The following ZNF814 variants were observed in gnomAD, a reference collection of about 807,000 sequenced individuals.
The protein encoded by ZNF814 is zinc finger protein 814.
Under a neutral mutation model 7.5 loss-of-function variants are expected in ZNF814, and 5 were observed. That is an observed-to-expected ratio of 0.67 (90% CI 0.35 to 1.40). The LOEUF (loss-of-function observed/expected upper bound fraction) is 1.40. Ranked by LOEUF, ZNF814 falls within the 40% of genes most tolerant of loss-of-function variation. The probability of loss-of-function intolerance (pLI) is 0.04; values close to 1 mark genes in which losing one functional copy is unlikely to be tolerated. For missense variants in ZNF814, 962 were observed against 1,018.0 expected, an observed-to-expected ratio of 0.94 and a Z score of 0.75; for synonymous variants, 315 against 340.7, an observed-to-expected ratio of 0.92 and a Z score of 0.83.
chr19:57,884,271 A>T (rs2071671587), intron 1 of ZNF814, among the ~76,000 whole-genome samples: 1 of 152,216 alleles, frequency 6.6e-6, no homozygotes, highest in South Asian at 2.1e-4. Context: ...ACTCTATAGG[A>T]AAAACCCTTA....
chr19:57,883,178 G>GA (rs1291676673), intron 1 of ZNF814, among the ~76,000 whole-genome samples: 1 of 151,872 alleles, frequency 6.6e-6, no homozygotes, highest in Non-Finnish European at 1.5e-5. Flanking sequence ...CTAATGGGGT[G>GA]AAACCCCATC....
upstream of ZNF814, among the ~76,000 whole-genome samples, chr19:57,889,315 A>G (rs2071719568): frequency 6.6e-6 from 1 of 152,200 alleles, no homozygotes; most frequent in South Asian, 2.1e-4. Context: ...AGGCCAAGTC[A>G]CAAGGATCAT....
Position 57,875,216 on chromosome 19 carries a change from A to C in ZNF814, c.174T>G (p.Cys58Trp). 1 of 1,522,148 alleles carries C rather than the reference A, an allele frequency of 6.6e-7. No individual in the cohort carries two copies. The highest frequency in any genetic ancestry group is 8.8e-7 in the Non-Finnish European group (1 of 1,136,228). The allele number at this position is 1,522,148 out of a possible 1,614,324, so 94.3% of individuals were successfully genotyped here. Reference protein sequence around the residue: ...LALISSLGCWCGVEDEAAPSK... With the variant: ...LALISSLGCWWGVEDEAAPSK... ...AAGGTGCCGCCTCATCTTCCACTCCACACCAACAACCTGAAAGCAAGAAAA... is the reference window on the plus strand; with the variant it reads ...AAGGTGCCGCCTCATCTTCCACTCCCCACCAACAACCTGAAAGCAAGAAAA... Residue 58 changes from cysteine (C) to tryptophan (W), a missense_variant, in exon 3 of 3, where the codon TGT becomes TGG. By Grantham distance (215) the Cys-to-Trp change is radical (BLOSUM62 -2). Around this residue, in one of 7 missense-constraint regions of ZNF814, gnomAD observed 65 missense variants for 131.3 expected, o/e 0.50. Coordinates refer to ENST00000435989, the MANE Select transcript of ZNF814 (RefSeq NM_001144989.2).
rs1350312339 is a variant in ZNF814 at position 57,872,828 on chromosome 19, G to A, written c.2562C>T (p.Ala854=). 1.2e-6 allele frequency: 2 copies of A among 1,611,768 alleles called. No homozygotes were observed. The highest frequency in any genetic ancestry group is 2.7e-5 in the African/African-American group (2 of 74,864). ...LVHQSSHWRK[A]I ...TTTCTGACAATCCTCACACTCATATGGCTTTTCTCCAGTGTGAACTCTGGT... is the reference window on the plus strand; with the variant it reads ...TTTCTGACAATCCTCACACTCATATAGCTTTTCTCCAGTGTGAACTCTGGT... Residue 854 remains alanine, a synonymous_variant, in exon 3 of 3, where the codon GCC becomes GCT. Coordinates refer to ENST00000435989, the MANE Select transcript of ZNF814 (RefSeq NM_001144989.2).
chr19:57,889,072 A>G, upstream of ZNF814: 2 of 525,444 alleles, frequency 3.8e-6, no homozygotes, highest in Admixed American at 6.3e-5. Context: ...GTCCGGACCC[A>G]TTGTCACGTG....
chr19:57,904,821 C>T, the ZNF814 span, among the ~76,000 whole-genome samples: 3 of 152,066 alleles, frequency 2.0e-5, no homozygotes, highest in Non-Finnish European at 4.4e-5. Flanking sequence ...GAGGCCAAGG[C>T]GGGCGGATCA....
chr19:57,882,995 T>C (rs944569652), intron 1 of ZNF814, among the ~76,000 whole-genome samples: 17 of 152,046 alleles, frequency 1.1e-4, no homozygotes, highest in African/African-American at 3.9e-4. Flanking sequence ...TTTTGAGGAA[T>C]TTCTCAAGAC....
At chr19:57,878,570 C>T (rs1166336729) in intron 1 of ZNF814, among the ~76,000 whole-genome samples, 3 of 151,684 alleles carry the variant, frequency 2.0e-5, no homozygotes, top group Non-Finnish European at 4.4e-5. Context: ...AGCAATTCTC[C>T]TGCCTCAGCT....
Position 57,872,534 on chromosome 19 carries a change from A to T in ZNF814, c.*288T>A, listed in dbSNP as rs1349867404. 3 of 699,090 alleles carry T rather than the reference A, an allele frequency of 4.3e-6. No individual in the cohort carries two copies. In the Admixed American group the frequency reaches 8.4e-5, roughly 20 times the overall value. 43.3% of individuals were successfully genotyped at this position (699,090 alleles called of 1,614,324 possible). A position where few individuals can be genotyped will look rare whatever the true frequency, so the allele number is the denominator to read the frequency against. ...ACTCTCTGATATTCAAGGAGAAAAG[A>T]CCTTCAGGTAACTTTTTTCCCACAT... On this transcript the variant is annotated 3_prime_UTR_variant, in exon 3 of 3. Coordinates refer to ENST00000435989, the MANE Select transcript of ZNF814 (RefSeq NM_001144989.2).
the ZNF814 span, among the ~76,000 whole-genome samples, chr19:57,904,733 G>C: frequency 6.6e-6 from 1 of 152,162 alleles, no homozygotes; most frequent in Non-Finnish European, 1.5e-5. Context: ...TGAAGGTGCT[G>C]TTTGTAGACT....
Position 57,876,962 on chromosome 19 carries a change from C to T in ZNF814, c.117G>A (p.Leu39=). 6.2e-7 allele frequency: 1 copy of T among 1,614,084 alleles called. No homozygotes were observed. The highest frequency in any genetic ancestry group is 2.2e-5 in the East Asian group (1 of 44,900). ...WNLLSEAQRC[L]YRDVTLENLA... ...GGTTCTCCAGCGTCACATCACGGTA[C>T]AGGCATCTCTGAGCCTCACTAAGGA... The change falls in exon 2 of 3, where the codon CTG becomes CTA. Residue 39 remains leucine (L), a synonymous_variant. Transcript: ENST00000435989.
At chr19:57,898,634 TCTCCTGTTTG>T in the ZNF814 span, among the ~76,000 whole-genome samples, 1 of 152,106 alleles carries the variant, frequency 6.6e-6, no homozygotes, top group Non-Finnish European at 1.5e-5. Flanking sequence ...TCCTTGGAAT[TCTCCTGTTTG>T]TTATTAAGAA....
intron 1 of ZNF814, among the ~76,000 whole-genome samples, chr19:57,878,437 G>C (rs1039759774): frequency 2.0e-5 from 3 of 151,616 alleles, no homozygotes; most frequent in African/African-American, 7.3e-5. Flanking sequence ...TGATCGAAAG[G>C]CTTCAGAGGC....
chr19:57,894,157 G>C, the ZNF814 span, among the ~76,000 whole-genome samples: 2 of 151,198 alleles, frequency 1.3e-5, no homozygotes, highest in African/African-American at 4.9e-5. Flanking sequence ...AGGGGATCAC[G>C]AGGTTAAGAG....
chr19:57,877,997 T>A (rs1239395346), intron 1 of ZNF814, among the ~76,000 whole-genome samples: 1 of 151,532 alleles, frequency 6.6e-6, no homozygotes. Context: ...CAACTTCGGC[T>A]CTACTAAAAA....
chr19:57,899,273 A>T, the ZNF814 span, among the ~76,000 whole-genome samples: 26 of 152,348 alleles, frequency 1.7e-4, no homozygotes, highest in Non-Finnish European at 2.9e-4. Flanking sequence ...AGAACAATTT[A>T]AAAAATGTTA....
the ZNF814 span, among the ~76,000 whole-genome samples, chr19:57,894,463 A>G: frequency 1.3e-5 from 2 of 152,108 alleles, no homozygotes; most frequent in African/African-American, 4.8e-5. Context: ...TAAATGAAAC[A>G]AAACAGCAAG....
the ZNF814 span, among the ~76,000 whole-genome samples, chr19:57,901,228 T>C: frequency 1.4e-4 from 21 of 152,302 alleles, no homozygotes; most frequent in African/African-American, 4.8e-4. Context: ...AAAGAGCTCA[T>C]TGTTAACTTA....
chr19:57,874,093 C>G lies in ZNF814; in HGVS notation c.1297G>C (p.Glu433Gln). 2 of 1,603,956 alleles carry G rather than the reference C, an allele frequency of 1.2e-6. No individual in the cohort carries two copies. The highest frequency in any genetic ancestry group is 1.7e-6 in the Non-Finnish European group (2 of 1,175,142). The part of the protein sequence containing the change: ...LIQHQRFHTG[E>Q]KPYGCEECGK... ...CATTCTTCACACCCATAAGGTTTTT[C>G]TCCAGTGTGAAATCGCTGATGTTGA... Residue 433 changes from glutamate to glutamine, a missense_variant, in exon 3 of 3, where the codon GAA becomes CAA. Around this residue, in one of 7 missense-constraint regions of ZNF814, gnomAD observed 665 missense variants for 551.4 expected, o/e 1.21. Coordinates refer to ENST00000435989, the MANE Select transcript of ZNF814 (RefSeq NM_001144989.2).
Sources: allele counts gnomAD v4.1 joint callset (sites outside exome capture counted in the v4.1 genomes callset), GRCh38; gene constraint gnomAD v4.1.1; regional missense constraint gnomAD v4.1.1; transcripts MANE v1.5; gene names NCBI Gene and HGNC (gene_info 2026-07-23, HGNC 2026-07-21).